The following COL9A1 variants were observed in gnomAD, a reference collection of about 807,000 sequenced individuals.
COL9A1 encodes the protein collagen type IX alpha 1 chain.
A neutral mutation model predicts 142.6 loss-of-function variants in COL9A1; 104 were observed. The observed-to-expected ratio is 0.73, with a 90% confidence interval of 0.62 to 0.86. The LOEUF is 0.86. COL9A1 is among the 40% of genes least tolerant of loss of function. The probability of loss-of-function intolerance (pLI) is 0.00; values close to 1 mark genes in which losing one functional copy is unlikely to be tolerated. For missense variants in COL9A1, 1,210 were observed against 1,176.6 expected, an observed-to-expected ratio of 1.03 and a Z score of -0.42; for synonymous variants, 466 against 396.0, an observed-to-expected ratio of 1.18 and a Z score of -2.10.
rs868671688 is a variant in COL9A1, at chr6:70,229,701, A to G, written c.2503+2882T>C. On this transcript the variant is annotated intron_variant, in intron 36 of 37. Transcript: ENST00000357250. ...TATTTAAAACTAATATTTATGACACAAAAGACCAATGTAATACCAAGCAAA... is the reference window on the plus strand; with the variant it reads ...TATTTAAAACTAATATTTATGACACGAAAGACCAATGTAATACCAAGCAAA... Among the ~76,000 whole-genome samples, 3 of 152,224 alleles carry G rather than the reference A, an allele frequency of 2.0e-5. No homozygotes were observed. The East Asian group carries it at 5.8e-4, about 29-fold the overall frequency.
At chr6:70,294,679 A>C (rs1163918593) in intron 4 of COL9A1, 116 bp from the exon 5 acceptor site, 1 of 969,730 alleles carries the variant, frequency 1.0e-6, no homozygotes, top group Non-Finnish European at 1.6e-6. Flanking sequence ...GCTACAGTGT[A>C]AAAACCTATG....
At chr6:70,274,224 A>G (rs1304094749) in intron 11 of COL9A1, 142 bp from the exon 12 acceptor site, 1 of 559,056 alleles carries the variant, frequency 1.8e-6, no homozygotes, top group African/African-American at 2.0e-5. Context: ...TTTTAAGTTC[A>G]GGGGTACATG....
At chr6:70,287,380 G>C (rs562382886) in intron 5 of COL9A1, among the ~76,000 whole-genome samples, 51 of 152,134 alleles carry the variant, frequency 3.4e-4, no homozygotes, top group Non-Finnish European at 4.0e-4. Context: ...GATGGGGAAA[G>C]CTTCCTTGAT....
At chr6:70,254,746 C>T in intron 24 of COL9A1, 1 of 677,702 alleles carries the variant, frequency 1.5e-6, no homozygotes, top group Non-Finnish European at 2.6e-6. Flanking sequence ...TTACTTTCAT[C>T]AACAGGGCAA....
chr6:70,276,595 G>C (rs759978973), intron 10 of COL9A1, among the ~76,000 whole-genome samples: 1 of 152,152 alleles, frequency 6.6e-6, no homozygotes. Flanking sequence ...AATGGATTCT[G>C]GTGTCAGATG....
intron 17 of COL9A1, among the ~76,000 whole-genome samples, chr6:70,268,325 C>A (rs6907198): frequency 0.019 from 2,907 of 152,124 alleles, 101 homozygotes; most frequent in African/African-American, 0.066. Context: ...AGTGATCCTC[C>A]CACCTCAGCC....
chr6:70,268,900 C>T (rs1772217250), intron 16 of COL9A1, 40 bp from the exon 17 acceptor site: 1 of 1,590,368 alleles, frequency 6.3e-7, no homozygotes. Flanking sequence ...GAAAGACAGA[C>T]AGAGTGCATA....
At chr6:70,217,747 A>G (rs955317934) in intron 37 of COL9A1, among the ~76,000 whole-genome samples, 1 of 152,230 alleles carries the variant, frequency 6.6e-6, no homozygotes, top group Non-Finnish European at 1.5e-5. Flanking sequence ...GGAGACAAAT[A>G]GCTTTACATT....
intron 25 of COL9A1, 78 bp from the exon 26 acceptor site, chr6:70,253,507 C>G: frequency 1.0e-6 from 1 of 1,002,624 alleles, no homozygotes; most frequent in South Asian, 1.4e-5. Flanking sequence ...CTGCACACTG[C>G]AGGGAGGCTG....
chr6:70,282,546 G>A (rs1350302119), intron 7 of COL9A1, among the ~76,000 whole-genome samples: 2 of 150,990 alleles, frequency 1.3e-5, no homozygotes, highest in African/African-American at 4.9e-5. Context: ...AGCAAGGCCT[G>A]CTGTTGACAG....
chr6:70,216,942 G>T lies in COL9A1; in HGVS notation c.2721C>A (p.Thr907=). The T allele has an allele frequency of 6.2e-7, 1 of 1,614,158 alleles. No homozygotes were observed. The highest frequency in any genetic ancestry group is 8.5e-7 in the Non-Finnish European group (1 of 1,180,032). ...LPGFCEPASC[T]MQAGQRAFNK... is the part of the protein sequence containing the mutation. The stretch of plus-strand genomic sequence containing the variant: ...TAAATGCTCGCTGACCAGCCTGCAT[G>T]GTGCAGGAGGCTGGCTCACAGAAAC... Residue 907 remains threonine, a synonymous_variant, in exon 38 of 38, where the codon ACC becomes ACA. Coordinates refer to ENST00000357250, the MANE Select transcript of COL9A1 (RefSeq NM_001851.6).
intron 10 of COL9A1, among the ~76,000 whole-genome samples, chr6:70,277,937 A>G (rs1410065977): frequency 1.3e-5 from 2 of 152,202 alleles, no homozygotes; most frequent in Non-Finnish European, 2.9e-5. Flanking sequence ...TAGCTCCCCT[A>G]TGGCCAAGGA....
At chr6:70,284,513 C>T (rs1240793868) in intron 5 of COL9A1, among the ~76,000 whole-genome samples, 1 of 152,170 alleles carries the variant, frequency 6.6e-6, no homozygotes, top group Admixed American at 6.5e-5. Flanking sequence ...TTTCTAGACA[C>T]TTGAAATCCA....
intron 37 of COL9A1, among the ~76,000 whole-genome samples, chr6:70,223,965 G>T (rs1769061731): frequency 6.6e-6 from 1 of 152,012 alleles, no homozygotes; most frequent in Admixed American, 6.5e-5. Context: ...GGAGGGGAGA[G>T]ATCAGAGGAG....
intron 35 of COL9A1, 67 bp from the exon 36 acceptor site, chr6:70,232,838 A>G: frequency 6.7e-7 from 1 of 1,494,774 alleles, no homozygotes; most frequent in Non-Finnish European, 9.1e-7. Flanking sequence ...ATGAAAAGAG[A>G]GGTATTCCAA....
At chr6:70,291,234 G>A (rs1030366956) in intron 5 of COL9A1, among the ~76,000 whole-genome samples, 1 of 152,074 alleles carries the variant, frequency 6.6e-6, no homozygotes, top group Non-Finnish European at 1.5e-5. Flanking sequence ...GGAACAAAAT[G>A]GGAACACTAA....
intron 37 of COL9A1, among the ~76,000 whole-genome samples, chr6:70,223,271 A>G (rs1399395088): frequency 6.6e-6 from 1 of 152,062 alleles, no homozygotes; most frequent in Non-Finnish European, 1.5e-5. Context: ...TAGTATGAAC[A>G]ACCAACATTT....
intron 36 of COL9A1, among the ~76,000 whole-genome samples, chr6:70,227,267 AG>A (rs1000748107): frequency 2.6e-5 from 4 of 151,966 alleles, no homozygotes; most frequent in African/African-American, 9.7e-5. Flanking sequence ...CAAAATATGA[AG>A]GGTTCCTAAA....
chr6:70,296,907 C>G lies in COL9A1; in HGVS notation c.300-2344G>C, dbSNP rs116537840. On this transcript the variant is annotated intron_variant, in intron 4 of 37. Coordinates refer to ENST00000357250, the MANE Select transcript of COL9A1 (RefSeq NM_001851.6). ...TTAAAAGGAAGATAAAAATCTAATG[C>G]TGCTTCTTCTCTTCCTTAAGCATTA... Among the ~76,000 whole-genome samples the G allele has an allele frequency of 3.6e-3, 545 of 152,142 alleles. 3 individuals are homozygous for G. Among genetic ancestry groups the G allele is most frequent in the African/African-American group, 0.013 (521 of 41,558 alleles).
Sources: allele counts gnomAD v4.1 joint callset (sites outside exome capture counted in the v4.1 genomes callset), GRCh38; gene constraint gnomAD v4.1.1; transcripts MANE v1.5; gene names NCBI Gene and HGNC (gene_info 2026-07-23, HGNC 2026-07-21).